The following DYNC2I1 variants were observed in gnomAD, a reference collection of about 807,000 sequenced individuals.
The protein encoded by DYNC2I1 is cytoplasmic dynein 2 intermediate chain 1.
Under a neutral mutation model 133.4 loss-of-function variants are expected in DYNC2I1, and 89 were observed. The ratio of observed to expected loss-of-function variants is 0.67; its 90% CI spans 0.56 to 0.80. The LOEUF (loss-of-function observed/expected upper bound fraction) is 0.80, where lower values mean the gene tolerates loss of function less well. Among genes scored for constraint, DYNC2I1 ranks in the 30% least tolerant of loss-of-function variants. The pLI is 0.00. For synonymous variants in DYNC2I1, 504 were observed against 484.3 expected (o/e 1.04, Z -0.54); for missense variants, 1,291 against 1,314.5 (o/e 0.98, Z 0.28).
chr7:158,870,809 G>A (rs538888465), intron 2 of DYNC2I1, among the ~76,000 whole-genome samples: 2 of 152,200 alleles, frequency 1.3e-5, no homozygotes, highest in South Asian at 2.1e-4. Context: ...CCTGTCACCC[G>A]AATAGTGAAC....
At chr7:158,898,016 A>G (rs1204229576) in intron 8 of DYNC2I1, among the ~76,000 whole-genome samples, 1 of 152,208 alleles carries the variant, frequency 6.6e-6, no homozygotes, top group Non-Finnish European at 1.5e-5. Flanking sequence ...ATTTAGAAAT[A>G]TGTTGTTTAA....
chr7:158,923,833 T>C, intron 17 of DYNC2I1, 100 bp downstream of exon 17: 2 of 1,484,008 alleles, frequency 1.3e-6, no homozygotes, highest in South Asian at 2.8e-5. Flanking sequence ...ATTCACATTA[T>C]CCCAGAGGAC....
intron 8 of DYNC2I1, among the ~76,000 whole-genome samples, chr7:158,893,195 A>T (rs927673612): frequency 2.0e-5 from 3 of 152,108 alleles, no homozygotes; most frequent in South Asian, 2.1e-4. Flanking sequence ...CATCATGCAG[A>T]GTGGTTTCAC....
intron 5 of DYNC2I1, among the ~76,000 whole-genome samples, chr7:158,880,246 T>G (rs1009812857): frequency 4.6e-5 from 7 of 152,144 alleles, no homozygotes; most frequent in African/African-American, 1.7e-4. Context: ...TCATAAAACT[T>G]TGAAATTTGG....
At chr7:158,894,638 A>G (rs1845599326) in intron 8 of DYNC2I1, among the ~76,000 whole-genome samples, 1 of 152,262 alleles carries the variant, frequency 6.6e-6, no homozygotes, top group Non-Finnish European at 1.5e-5. Flanking sequence ...AAGTATGAAT[A>G]AATGTGCTAT....
intron 7 of DYNC2I1, among the ~76,000 whole-genome samples, chr7:158,890,389 C>G (rs1190487101): frequency 2.0e-5 from 3 of 151,774 alleles, no homozygotes; most frequent in African/African-American, 7.3e-5. Flanking sequence ...GTGAATGTAT[C>G]TAACAGCTTG....
In DYNC2I1 at chr7:158,915,958, G is replaced by C. The variant is rs1330613964; in HGVS notation, c.1791+1637G>C. Among the ~76,000 whole-genome samples the C allele has an allele frequency of 2.8e-3, 313 of 110,410 alleles. 3 individuals carry two copies. Among genetic ancestry groups the C allele is most frequent in the African/African-American group, 4.0e-3 (103 of 25,712 alleles). 72.4% of individuals were successfully genotyped at this position (110,410 alleles called of 152,430 possible). On this transcript the variant is annotated intron_variant, in intron 14 of 24. Coordinates refer to ENST00000407559, the MANE Select transcript of DYNC2I1 (RefSeq NM_018051.5). ...AGGATGATTGTGAAACGTTGACACA[G>C]TGGTTGACATTAAGGATGATTGTGA...
rs1290525334 is a variant in DYNC2I1 at position 158,869,880 on chromosome 7, A to G, written c.41A>G (p.Lys14Arg). Residue 14 changes from lysine to arginine, a missense_variant, in exon 2 of 25, where the codon AAA (lysine) becomes AGA (arginine). Transcript: ENST00000407559. ...GKRRTKDDTW[K>R]ADDLRKHLWA... ...AGAAGAACCAAAGATGATACCTGGA[A>G]AGCAGATGACCTCAGAAAACATCTC... 2 of 1,613,512 alleles carry G rather than the reference A, an allele frequency of 1.2e-6. No homozygotes were observed. The highest frequency in any genetic ancestry group is 1.7e-4 in the Middle Eastern group (1 of 6,060).
intron 16 of DYNC2I1, among the ~76,000 whole-genome samples, chr7:158,923,346 A>G (rs1053121449): frequency 1.3e-5 from 2 of 152,158 alleles, no homozygotes; most frequent in Non-Finnish European, 2.9e-5. Context: ...GTTTGTGATC[A>G]TAACAAGCCT....
intron 4 of DYNC2I1, among the ~76,000 whole-genome samples, chr7:158,879,167 ACATGAATAG>A (rs1843736619): frequency 6.6e-6 from 1 of 152,154 alleles, no homozygotes; most frequent in Non-Finnish European, 1.5e-5. Context: ...ATGGACCATG[ACATGAATAG>A]GGTTTTTCCT....
chr7:158,915,728 C>T (rs1373962832), intron 14 of DYNC2I1, among the ~76,000 whole-genome samples: 14 of 145,226 alleles, frequency 9.6e-5, no homozygotes, highest in Admixed American at 3.4e-4. Context: ...AACGTCGACA[C>T]GCTGGTTGAC....
chr7:158,949,549 C>T (rs1851990892), downstream of DYNC2I1, among the ~76,000 whole-genome samples: 2 of 152,200 alleles, frequency 1.3e-5, no homozygotes, highest in South Asian at 4.1e-4. Flanking sequence ...ACAGCAGAGG[C>T]AGTGCCGTGG....
chr7:158,866,580 G>A (rs565022908), intron 1 of DYNC2I1, among the ~76,000 whole-genome samples: 1 of 152,146 alleles, frequency 6.6e-6, no homozygotes. Flanking sequence ...CTCTCTGTAG[G>A]AGTTAACTTT....
At chr7:158,922,666 C>G (rs772762450) in intron 16 of DYNC2I1, 117 bp downstream of exon 16, 32 of 982,236 alleles carry the variant, frequency 3.3e-5, no homozygotes, top group Non-Finnish European at 4.8e-5. Flanking sequence ...TGGGTAGGGA[C>G]TTATGGGCCA....
the DYNC2I1 span, among the ~76,000 whole-genome samples, chr7:158,840,174 G>A: frequency 6.6e-6 from 1 of 151,872 alleles, no homozygotes; most frequent in African/African-American, 2.4e-5. Flanking sequence ...TTGGCCAGGC[G>A]CAGTCCCAGC....
intron 11 of DYNC2I1, among the ~76,000 whole-genome samples, chr7:158,909,677 C>A (rs1051961392): frequency 6.6e-6 from 1 of 152,144 alleles, no homozygotes; most frequent in African/African-American, 2.4e-5. Flanking sequence ...GGCCGCTGGG[C>A]CCTGAAGAGC....
At chr7:158,866,076 T>G (rs1842375668) in intron 1 of DYNC2I1, among the ~76,000 whole-genome samples, 1 of 148,200 alleles carries the variant, frequency 6.7e-6, no homozygotes, top group Non-Finnish European at 1.5e-5. Context: ...CTTCAGGGTT[T>G]TTAACTTTGT....
At chr7:158,863,202 CAG>C (rs1842029002) in intron 1 of DYNC2I1, among the ~76,000 whole-genome samples, 2 of 152,018 alleles carry the variant, frequency 1.3e-5, no homozygotes, top group South Asian at 2.1e-4. Context: ...TAGCTAGACA[CAG>C]AGTGCTGATT....
intron 1 of DYNC2I1, among the ~76,000 whole-genome samples, chr7:158,864,871 A>G (rs1316622324): frequency 6.6e-6 from 1 of 152,258 alleles, no homozygotes; most frequent in East Asian, 1.9e-4. Flanking sequence ...ATTTAACTTT[A>G]ACCTCTGATG....
Sources: gnomAD v4.1 joint callset for allele counts (sites outside exome capture counted in the v4.1 genomes callset) on GRCh38, gnomAD v4.1.1 for gene constraint, MANE v1.5 for transcripts, NCBI Gene and HGNC (gene_info 2026-07-23, HGNC 2026-07-21) for gene names.